PAX5: variants seen among roughly 807,000 people sequenced by gnomAD.
PAX5 encodes the protein paired box 5.
In PAX5, 9 loss-of-function variants were observed where a neutral mutation model predicts 43.7. The ratio of observed to expected loss-of-function variants is 0.21; its 90% confidence interval spans 0.12 to 0.36. The LOEUF (loss-of-function observed/expected upper bound fraction) is 0.36, where lower values mean the gene tolerates loss of function less well. Among genes scored for constraint, PAX5 ranks in the 10% least tolerant of loss-of-function variants. The pLI is 1.00. For missense variants in PAX5, 383 were observed against 532.7 expected (o/e 0.72, Z 2.77); for synonymous variants, 228 against 214.3 (o/e 1.06, Z -0.56).
chr9:37,000,552 G>A (rs570573784), intron 5 of PAX5, among the ~76,000 whole-genome samples: 5 of 152,274 alleles, frequency 3.3e-5, no homozygotes, highest in South Asian at 2.1e-4. Context: ...CAGGAGTCCA[G>A]GATGAGCCTG....
At chr9:36,910,764 T>G in intron 7 of PAX5, among the ~76,000 whole-genome samples, 1 of 152,056 alleles carries the variant, frequency 6.6e-6, no homozygotes, top group Non-Finnish European at 1.5e-5. Context: ...ATACCAGAGG[T>G]GACCAAGCCC....
chr9:37,032,656 G>A (rs1841099081), intron 1 of PAX5, among the ~76,000 whole-genome samples: 1 of 152,188 alleles, frequency 6.6e-6, no homozygotes, highest in African/African-American at 2.4e-5. Flanking sequence ...AGAGATGGGG[G>A]TTCTCAGAGG....
chr9:36,955,343 T>A (rs927534425), intron 6 of PAX5, among the ~76,000 whole-genome samples: 1 of 152,116 alleles, frequency 6.6e-6, no homozygotes, highest in African/African-American at 2.4e-5. Flanking sequence ...AGATGAAAGT[T>A]TTTTTATATG....
At chr9:36,903,754 G>A (rs1274582918) in intron 7 of PAX5, among the ~76,000 whole-genome samples, 2 of 152,220 alleles carry the variant, frequency 1.3e-5, no homozygotes, top group Non-Finnish European at 2.9e-5. Context: ...CAGCTTTTCA[G>A]GGGTGAGTCA....
chr9:36,955,770 CAAAAA>C (rs67265503), intron 6 of PAX5, among the ~76,000 whole-genome samples: 66 of 136,528 alleles, frequency 4.8e-4, no homozygotes, highest in South Asian at 1.2e-3. Flanking sequence ...CTTTTTGTTT[CAAAAA>C]AAAAAAAATA....
chr9:37,001,480 A>G (rs538099400), intron 5 of PAX5, among the ~76,000 whole-genome samples: 80 of 152,358 alleles, frequency 5.3e-4, no homozygotes, highest in Non-Finnish European at 1.1e-3. Context: ...CTACTGAGTT[A>G]AAGACGTCTG....
chr9:36,914,542 A>G (rs1272245520), intron 7 of PAX5, among the ~76,000 whole-genome samples: 1 of 152,220 alleles, frequency 6.6e-6, no homozygotes, highest in African/African-American at 2.4e-5. Flanking sequence ...CATAGTACAT[A>G]TTATTTAATT....
chr9:36,888,949 C>G (rs1040300547), intron 7 of PAX5, among the ~76,000 whole-genome samples: 1 of 152,180 alleles, frequency 6.6e-6, no homozygotes, highest in Non-Finnish European at 1.5e-5. Flanking sequence ...ACCACTTACT[C>G]GCTGTGTGAC....
At chr9:36,981,971 A>G (rs986143014) in intron 5 of PAX5, among the ~76,000 whole-genome samples, 7 of 152,242 alleles carry the variant, frequency 4.6e-5, no homozygotes, top group Non-Finnish European at 1.0e-4. Flanking sequence ...TTGCTAAATT[A>G]AAAAGAACAA....
chr9:36,983,857 A>C (rs115865905), intron 5 of PAX5, among the ~76,000 whole-genome samples: 2,582 of 152,312 alleles, frequency 0.017, 58 homozygotes, highest in African/African-American at 0.059. Flanking sequence ...ATTAGGGACT[A>C]TCTTCCTAAT....
chr9:36,875,488 T>C (rs971535515), intron 8 of PAX5, among the ~76,000 whole-genome samples: 1 of 152,116 alleles, frequency 6.6e-6, no homozygotes, highest in Non-Finnish European at 1.5e-5. Context: ...CAGGAAGCTC[T>C]GGGAGAGGAA....
At chr9:36,847,373 A>AC (rs1241101664) in intron 8 of PAX5, among the ~76,000 whole-genome samples, 1 of 152,026 alleles carries the variant, frequency 6.6e-6, no homozygotes, top group East Asian at 1.9e-4. Flanking sequence ...GCTCAGTTCT[A>AC]CCCCCCACCT....
At chr9:36,860,653 G>A (rs1213727376) in intron 8 of PAX5, among the ~76,000 whole-genome samples, 2 of 152,158 alleles carry the variant, frequency 1.3e-5, no homozygotes, top group Non-Finnish European at 2.9e-5. Flanking sequence ...AAAGAGTTTC[G>A]CTAGCGTCCT....
At chr9:36,984,626 G>A (rs1345226795) in intron 5 of PAX5, among the ~76,000 whole-genome samples, 1 of 151,640 alleles carries the variant, frequency 6.6e-6, no homozygotes, top group Non-Finnish European at 1.5e-5. Context: ...ATTTTTAGTA[G>A]AGGTTTTTTG....
At chr9:36,854,351 A>G (rs1247775471) in intron 8 of PAX5, among the ~76,000 whole-genome samples, 1 of 152,244 alleles carries the variant, frequency 6.6e-6, no homozygotes, top group Non-Finnish European at 1.5e-5. Flanking sequence ...GTACACATGC[A>G]TATAATGTAT....
At chr9:36,891,727 C>T (rs78366821) in intron 7 of PAX5, among the ~76,000 whole-genome samples, 99 of 152,340 alleles carry the variant, frequency 6.5e-4, no homozygotes, top group Middle Eastern at 3.4e-3. Context: ...GTGTTATTGA[C>T]TTAGGAATAG....
chr9:37,010,669 T>C (rs1351111780), intron 3 of PAX5, among the ~76,000 whole-genome samples: 2 of 151,838 alleles, frequency 1.3e-5, no homozygotes, highest in Non-Finnish European at 2.9e-5. Context: ...GAGAAAATCA[T>C]GGTGCCTTGA....
chr9:36,913,047 A>G (rs1381419063), intron 7 of PAX5, among the ~76,000 whole-genome samples: 1 of 152,212 alleles, frequency 6.6e-6, no homozygotes, highest in Non-Finnish European at 1.5e-5. Flanking sequence ...TGTTGCTCAG[A>G]TTAAAAGCCA....
In PAX5 at chr9:36,977,306, TG is replaced by T. The variant is rs966232227; in HGVS notation, c.605-10583del. Among the ~76,000 whole-genome samples, 6 of 26,436 alleles carry T rather than the reference TG, an allele frequency of 2.3e-4. No homozygotes were observed. In the South Asian group the frequency reaches 6.5e-3, roughly 29 times the overall value. The allele number at this position is 26,436 out of a possible 152,430, so 17.3% of individuals were successfully genotyped here. A position where few individuals can be genotyped will look rare whatever the true frequency, so the allele number is the denominator to read the frequency against. ...TTGCCTAGTCACAAGATCTAAAGAT[TG>T]GGGGGGTGGGGGGAGGGAAGAAAAA... On this transcript the variant is annotated intron_variant, in intron 5 of 9. Transcript: ENST00000358127.
Sources: gnomAD v4.1 joint callset for allele counts (sites outside exome capture counted in the v4.1 genomes callset) on GRCh38, gnomAD v4.1.1 for gene constraint, MANE v1.5 for transcripts, NCBI Gene and HGNC (gene_info 2026-07-23, HGNC 2026-07-21) for gene names.